Variants in SDK2 observed in about 807,000 individuals in gnomAD.
SDK2 encodes sidekick cell adhesion molecule 2, also known as protein sidekick-2.
SDK2 carries 105 observed loss-of-function variants against 253.9 expected under a neutral mutation model. The observed-to-expected ratio is 0.41, with a 90% CI of 0.35 to 0.49. The LOEUF (loss-of-function observed/expected upper bound fraction) is 0.49. Ranked by LOEUF, SDK2 falls within the 20% of genes least tolerant of loss-of-function variation. The pLI, the probability that SDK2 is intolerant of heterozygous loss-of-function variation, is 0.06. For synonymous variants in SDK2, 1,249 were observed against 1,234.9 expected, an observed-to-expected ratio of 1.01 and a Z score of -0.24; for missense variants, 2,608 against 3,003.0, an observed-to-expected ratio of 0.87 and a Z score of 3.07.
chr17:73,573,047 A>G lies in SDK2; in HGVS notation c.65-65450T>C, dbSNP rs189111268. Among the ~76,000 whole-genome samples the G allele has an allele frequency of 4.2e-3, 636 of 152,290 alleles. 11 individuals are homozygous for G. The highest frequency in any genetic ancestry group is 0.036 in the Admixed American group (553 of 15,296). ...ACATGAAGGAACGGGTGACTGCCCC[A>G]TGGCCCTGCTACTATGGGGCAACAC... On this transcript the variant is annotated intron_variant, in intron 1 of 44. Transcript: ENST00000392650.
At position 73,612,363 on chromosome 17, in the gene SDK2, C is replaced by T. The variant is rs1219251715; in HGVS notation, c.64+31662G>A. Among the ~76,000 whole-genome samples, 1 of 151,964 alleles carries T rather than the reference C, an allele frequency of 6.6e-6. No individual in the cohort carries two copies. Among genetic ancestry groups the T allele is most frequent in the Admixed American group, 6.5e-5 (1 of 15,270 alleles). On this transcript the variant is annotated intron_variant, in intron 1 of 44. Coordinates refer to ENST00000392650, the MANE Select transcript of SDK2 (RefSeq NM_001144952.2). This position sits in a 1 kb window ranked among gnomAD's most constrained non-coding sequence, Gnocchi z 4.4. ...CAGCTGCACCTGGGCTGCAGGCTGG[C>T]CCCGCACAGTCCCCACCCTCACCGG...
At chr17:73,488,048 C>A (rs2063780629) in intron 2 of SDK2, among the ~76,000 whole-genome samples, 2 of 152,026 alleles carry the variant, frequency 1.3e-5, no homozygotes, top group African/African-American at 4.8e-5. Flanking sequence ...CGGAGCCTTG[C>A]TCTGTCGCCC....
Position 73,465,276 on chromosome 17 carries a change from A to G in SDK2, c.331+6836T>C, listed in dbSNP as rs553032937. On this transcript the variant is annotated intron_variant, in intron 3 of 44. Transcript: ENST00000392650. The surrounding 1 kb of genome is among the most constrained non-coding windows in gnomAD (Gnocchi z 4.2). Reference sequence around the variant, plus strand: ...TAGGAAGGAAGCTGGCCAGCCTCCCAGGATGGGGCAGGCGCTCTGCCCTGC... The same window carrying G: ...TAGGAAGGAAGCTGGCCAGCCTCCCGGGATGGGGCAGGCGCTCTGCCCTGC... 2.4e-3 allele frequency among the ~76,000 whole-genome samples: 282 copies of G among 117,498 alleles called. 2 individuals are homozygous for G. The highest frequency in any genetic ancestry group is 4.1e-3 in the Non-Finnish European group (240 of 58,404). 77.1% of individuals were successfully genotyped at this position (117,498 alleles called of 152,430 possible). A position where few individuals can be genotyped will look rare whatever the true frequency, so the allele number is the denominator to read the frequency against.
chr17:73,509,856 T>C (rs568023767), intron 1 of SDK2, among the ~76,000 whole-genome samples: 281 of 116,030 alleles, frequency 2.4e-3, no homozygotes, highest in Middle Eastern at 0.011. Context: ...GCCGAGATCG[T>C]GCCACTGCAC....
Position 73,596,595 on chromosome 17 carries a change from G to C in SDK2, c.64+47430C>G, listed in dbSNP as rs2045761884. Among the ~76,000 whole-genome samples the C allele has an allele frequency of 3.9e-5, 6 of 152,190 alleles. No homozygotes were observed. In the South Asian group the frequency reaches 6.2e-4, roughly 16 times the overall value. On this transcript the variant is annotated intron_variant, in intron 1 of 44. Coordinates refer to ENST00000392650, the MANE Select transcript of SDK2 (RefSeq NM_001144952.2). The stretch of plus-strand genomic sequence containing the variant: ...GCTCATGATGTATCTGTTTCCCGCA[G>C]TGACATGTCCCCGGAACCCACAGCC...
At chr17:73,565,968 C>A in intron 1 of SDK2, among the ~76,000 whole-genome samples, 1 of 152,262 alleles carries the variant, frequency 6.6e-6, no homozygotes, top group Middle Eastern at 3.4e-3. Flanking sequence ...GGACTACGGG[C>A]GCATGCCACC....
chr17:73,437,538 C>A (rs372977166), intron 8 of SDK2, among the ~76,000 whole-genome samples: 1 of 152,004 alleles, frequency 6.6e-6, no homozygotes, highest in South Asian at 2.1e-4. Context: ...GTTTTGGTAC[C>A]GTAAAGGTTG....
At chr17:73,641,250 T>C (rs371568082) in intron 1 of SDK2, 2 of 152,248 alleles carry the variant, frequency 1.3e-5, no homozygotes, top group Non-Finnish European at 2.9e-5. Context: ...AAGTACCTTC[T>C]ATGTGCCAGG....
intron 2 of SDK2, among the ~76,000 whole-genome samples, chr17:73,493,907 C>G (rs2063824297): frequency 6.6e-6 from 1 of 152,228 alleles, no homozygotes; most frequent in African/African-American, 2.4e-5. Flanking sequence ...CCCGTCCCAC[C>G]TACAGCTCTC....
intron 1 of SDK2, among the ~76,000 whole-genome samples, chr17:73,547,871 A>T (rs2044990119): frequency 1.3e-5 from 2 of 152,090 alleles, no homozygotes. Context: ...GGTTTAATTG[A>T]CTCACAGTTC....
At chr17:73,376,364 T>C (rs1262816499) in intron 36 of SDK2, among the ~76,000 whole-genome samples, 6 of 152,176 alleles carry the variant, frequency 3.9e-5, no homozygotes, top group Non-Finnish European at 5.9e-5. Flanking sequence ...CACGTGTCAT[T>C]GACCAACTGA....
At chr17:73,594,072 T>A (rs1371344523) in intron 1 of SDK2, among the ~76,000 whole-genome samples, 1 of 152,190 alleles carries the variant, frequency 6.6e-6, no homozygotes, top group Admixed American at 6.5e-5. Flanking sequence ...TCCAGCTTTA[T>A]CTAATATCGT....
intron 1 of SDK2, among the ~76,000 whole-genome samples, chr17:73,627,033 T>A (rs2046210859): frequency 6.6e-6 from 1 of 152,168 alleles, no homozygotes; most frequent in Non-Finnish European, 1.5e-5. Flanking sequence ...ATCGGACAAC[T>A]GGTGAACACT....
chr17:73,600,340 C>T (rs538913718), intron 1 of SDK2, among the ~76,000 whole-genome samples: 1 of 152,312 alleles, frequency 6.6e-6, no homozygotes, highest in East Asian at 1.9e-4. Context: ...CTTGATCCTC[C>T]CAAAGCCCTG....
rs191115581 is a variant in SDK2, at chr17:73,360,488, T to C, written c.5467+1196A>G. Among the ~76,000 whole-genome samples, 690 of 152,172 alleles carry C rather than the reference T, an allele frequency of 4.5e-3. 1 individual carries two copies. The highest frequency in any genetic ancestry group is 0.016 in the African/African-American group (670 of 41,498). On this transcript the variant is annotated intron_variant, in intron 39 of 44. Transcript: ENST00000392650. ...GGAAGTCCAGGATGGGCTGTACCCC[T>C]TCTTAGGGAGGGAGGCAGCAGAGTG...
At chr17:73,480,280 T>A (rs1043274107) in intron 2 of SDK2, among the ~76,000 whole-genome samples, 1 of 152,198 alleles carries the variant, frequency 6.6e-6, no homozygotes, top group African/African-American at 2.4e-5. Context: ...TTGGGGTCTC[T>A]CATTCCTAGG....
chr17:73,589,431 C>T (rs1023155818), intron 1 of SDK2, among the ~76,000 whole-genome samples: 8 of 152,210 alleles, frequency 5.3e-5, no homozygotes, highest in African/African-American at 1.9e-4. Context: ...GAAAAGAGGC[C>T]GGAAAACCAC....
chr17:73,533,199 C>T (rs568977588), intron 1 of SDK2, among the ~76,000 whole-genome samples: 12 of 152,318 alleles, frequency 7.9e-5, no homozygotes, highest in East Asian at 3.9e-4. Context: ...TATGTGTTGG[C>T]GGGATGTGCC....
chr17:73,611,552 G>A (rs1389530759), intron 1 of SDK2, among the ~76,000 whole-genome samples: 2 of 152,212 alleles, frequency 1.3e-5, no homozygotes, highest in African/African-American at 4.8e-5. Flanking sequence ...GTTCCCCTGT[G>A]GCCTCTGCTC....
Sources: allele counts gnomAD v4.1 joint callset (sites outside exome capture counted in the v4.1 genomes callset), GRCh38; gene constraint gnomAD v4.1.1; non-coding constraint Gnocchi (gnomAD v3.1); transcripts MANE v1.5; gene names NCBI Gene and HGNC (gene_info 2026-07-23, HGNC 2026-07-21).